The following ERC2 variants were observed in gnomAD, a reference collection of about 807,000 sequenced individuals.
ERC2 encodes the protein ERC protein 2.
ERC2 carries 42 observed loss-of-function variants against 114.8 expected under a neutral mutation model. The observed-to-expected ratio is 0.37, with a 90% CI of 0.29 to 0.47. The LOEUF (loss-of-function observed/expected upper bound fraction) is 0.47, where lower values mean the gene tolerates loss of function less well. Among genes scored for constraint, ERC2 ranks in the 20% least tolerant of loss-of-function variants. ERC2 has a pLI of 0.99. For synonymous variants in ERC2, 454 were observed against 425.5 expected (o/e 1.07, Z -0.82); for missense variants, 939 against 1,150.7 (o/e 0.82, Z 2.66).
chr3:56,209,084 T>A (rs945935684), intron 3 of ERC2, among the ~76,000 whole-genome samples: 1 of 152,084 alleles, frequency 6.6e-6, no homozygotes, highest in Non-Finnish European at 1.5e-5. Context: ...ATGGATCAAG[T>A]CCAAGCATCT....
At chr3:56,177,780 G>A (rs2083060493) in intron 3 of ERC2, among the ~76,000 whole-genome samples, 1 of 152,146 alleles carries the variant, frequency 6.6e-6, no homozygotes, top group African/African-American at 2.4e-5. Context: ...AGAATCAGGA[G>A]CTTTATGAAT....
At chr3:56,450,807 G>A (rs939846085) in intron 1 of ERC2, among the ~76,000 whole-genome samples, 1 of 151,790 alleles carries the variant, frequency 6.6e-6, no homozygotes, top group Non-Finnish European at 1.5e-5. Flanking sequence ...CTCCAGCCTG[G>A]GTGACACAGA....
chr3:55,660,364 G>A (rs1193980347), intron 17 of ERC2, among the ~76,000 whole-genome samples: 2 of 152,156 alleles, frequency 1.3e-5, no homozygotes, highest in Admixed American at 1.3e-4. Context: ...CTGGTGCAGG[G>A]AAGGGGCACA....
chr3:56,210,059 C>T (rs1459991119), intron 3 of ERC2, among the ~76,000 whole-genome samples: 8 of 152,226 alleles, frequency 5.3e-5, no homozygotes, highest in East Asian at 1.9e-4. Flanking sequence ...GATATGTAAA[C>T]ATATATTGTA....
At chr3:56,351,504 A>G (rs2058551511) in intron 2 of ERC2, among the ~76,000 whole-genome samples, 1 of 152,260 alleles carries the variant, frequency 6.6e-6, no homozygotes, top group Non-Finnish European at 1.5e-5. Context: ...AAAGGGAAAG[A>G]GAGACAGAAA....
chr3:56,000,623 G>A (rs1003111604), intron 10 of ERC2, among the ~76,000 whole-genome samples: 1 of 152,086 alleles, frequency 6.6e-6, no homozygotes, highest in African/African-American at 2.4e-5. Context: ...TCAAAGTTAT[G>A]TAAAATGACA....
intron 14 of ERC2, among the ~76,000 whole-genome samples, chr3:55,804,336 C>A (rs1203697092): frequency 6.6e-6 from 1 of 152,066 alleles, no homozygotes; most frequent in Non-Finnish European, 1.5e-5. Context: ...TAAACACATT[C>A]CTTTGGGTCC....
chr3:56,339,112 T>C (rs1269442958), intron 2 of ERC2, among the ~76,000 whole-genome samples: 1 of 152,198 alleles, frequency 6.6e-6, no homozygotes, highest in Admixed American at 6.5e-5. Flanking sequence ...ACATGGGTCA[T>C]ATCTCGTGCT....
At chr3:56,460,947 C>T (rs114867013) in intron 1 of ERC2, among the ~76,000 whole-genome samples, 2,688 of 132,608 alleles carry the variant, frequency 0.02, 39 homozygotes, top group Non-Finnish European at 0.031. Context: ...GGTGAAACCC[C>T]GTCTCTACTA....
chr3:56,340,960 A>G (rs1306078043), intron 2 of ERC2, among the ~76,000 whole-genome samples: 2 of 152,196 alleles, frequency 1.3e-5, no homozygotes, highest in African/African-American at 4.8e-5. Flanking sequence ...AGTCCTAAAA[A>G]TAAATGTTCC....
At position 56,121,716 on chromosome 3, in the gene ERC2, C is replaced by T. The variant is rs2079586166; in HGVS notation, c.1473+17793G>A. ...TTTAATTCAGAAAGTCTCATTAAAC[C>T]TATGCCTTTAGAAGGTTATTTTAGC... is the stretch of plus-strand genomic sequence containing the variant. On this transcript the variant is annotated intron_variant, in intron 6 of 17. Coordinates refer to ENST00000288221, the MANE Select transcript of ERC2 (RefSeq NM_015576.3). 3.9e-5 allele frequency among the ~76,000 whole-genome samples: 6 copies of T among 152,068 alleles called. No homozygotes were observed. The South Asian group carries it at 1.0e-3, about 26-fold the overall frequency.
chr3:56,238,330 T>G (rs2051101553), intron 3 of ERC2, among the ~76,000 whole-genome samples: 1 of 152,214 alleles, frequency 6.6e-6, no homozygotes, highest in African/African-American at 2.4e-5. Context: ...AACTCTGTTG[T>G]CTCCCTTCTC....
At chr3:56,249,965 C>G (rs575548956) in intron 3 of ERC2, among the ~76,000 whole-genome samples, 1 of 143,128 alleles carries the variant, frequency 7.0e-6, no homozygotes, top group East Asian at 2.2e-4. Flanking sequence ...TCAAGCGATT[C>G]TCCTGCCTCA....
chr3:56,111,600 A>G (rs937667076), intron 6 of ERC2, among the ~76,000 whole-genome samples: 1 of 152,166 alleles, frequency 6.6e-6, no homozygotes, highest in Non-Finnish European at 1.5e-5. Flanking sequence ...ACACAAGACA[A>G]AGCTCAGTAA....
chr3:56,227,509 C>A (rs2050329079), intron 3 of ERC2, among the ~76,000 whole-genome samples: 1 of 151,750 alleles, frequency 6.6e-6, no homozygotes, highest in Non-Finnish European at 1.5e-5. Context: ...CACGTTGTAC[C>A]AAATTGTACT....
chr3:55,852,176 C>T (rs2061602606), intron 14 of ERC2, among the ~76,000 whole-genome samples: 1 of 152,124 alleles, frequency 6.6e-6, no homozygotes, highest in East Asian at 1.9e-4. Flanking sequence ...ACTGAGATCG[C>T]ACCACTACAC....
chr3:56,035,021 C>CA (rs765065723), intron 7 of ERC2, among the ~76,000 whole-genome samples: 3 of 151,544 alleles, frequency 2.0e-5, no homozygotes, highest in East Asian at 3.9e-4. Flanking sequence ...ACCGAAAGAA[C>CA]AAAAAAACTA....
chr3:56,393,181 T>A (rs2060189686), intron 2 of ERC2, among the ~76,000 whole-genome samples: 1 of 152,212 alleles, frequency 6.6e-6, no homozygotes, highest in Admixed American at 6.5e-5. Flanking sequence ...GTGGATCACC[T>A]GAGGTCAGGA....
chr3:55,927,997 C>T (rs2065847801), intron 13 of ERC2, among the ~76,000 whole-genome samples: 1 of 152,174 alleles, frequency 6.6e-6, no homozygotes, highest in Non-Finnish European at 1.5e-5. Flanking sequence ...TTTTCTTTAT[C>T]CACTCATCTG....
Sources: gnomAD v4.1 joint callset for allele counts (sites outside exome capture counted in the v4.1 genomes callset) on GRCh38, gnomAD v4.1.1 for gene constraint, MANE v1.5 for transcripts, NCBI Gene and HGNC (gene_info 2026-07-23, HGNC 2026-07-21) for gene names.